The following NLGN4Y variants were observed in gnomAD, a reference collection of about 807,000 sequenced individuals.
NLGN4Y encodes the protein neuroligin 4 Y-linked.
In NLGN4Y, 4 loss-of-function variants were observed where a neutral mutation model predicts 8.4. The ratio of observed to expected loss-of-function variants is 0.48; its 90% CI spans 0.23 to 1.09. The LOEUF is 1.09. Among genes scored for constraint, NLGN4Y ranks in the 50% least tolerant of loss-of-function variants. The probability of loss-of-function intolerance (pLI) is 0.19; values close to 1 mark genes in which losing one functional copy is unlikely to be tolerated. For missense variants in NLGN4Y, 90 were observed against 192.3 expected, an observed-to-expected ratio of 0.47 and a Z score of 3.15; for synonymous variants, 35 against 75.6, an observed-to-expected ratio of 0.46 and a Z score of 2.78.
intron 2 of NLGN4Y, among the ~76,000 whole-genome samples, chrY:14,682,726 G>C (rs2080775103): frequency 3.0e-5 from 1 of 33,280 alleles, no homozygotes; most frequent in Non-Finnish European, 7.4e-5. Flanking sequence ...TTTTAGGCTG[G>C]GCATGGTGGC....
At chrY:14,796,103 G>A in intron 4 of NLGN4Y, among the ~76,000 whole-genome samples, 2 of 33,065 alleles carry the variant, frequency 6.0e-5, no homozygotes, top group African/African-American at 1.2e-4. Flanking sequence ...TTGATCATTT[G>A]AGTCTTAGAG....
At chrY:14,737,669 A>T in intron 4 of NLGN4Y, among the ~76,000 whole-genome samples, 1 of 33,103 alleles carries the variant, frequency 3.0e-5, no homozygotes, top group Non-Finnish European at 7.5e-5. Flanking sequence ...ATCATTACAC[A>T]TTGTTTACAG....
intron 2 of NLGN4Y, among the ~76,000 whole-genome samples, chrY:14,628,039 A>C: frequency 3.1e-5 from 1 of 32,561 alleles, no homozygotes; most frequent in African/African-American, 1.2e-4. Flanking sequence ...AGGCAGAGGG[A>C]GGTTGCAGTG....
intron 4 of NLGN4Y, among the ~76,000 whole-genome samples, chrY:14,763,230 G>T: frequency 2.9e-5 from 1 of 33,904 alleles, no homozygotes; most frequent in Non-Finnish European, 7.3e-5. Flanking sequence ...AACAGAAGAT[G>T]CTCAGAGTTT....
intron 4 of NLGN4Y, among the ~76,000 whole-genome samples, chrY:14,814,022 C>G: frequency 3.1e-5 from 1 of 32,704 alleles, no homozygotes; most frequent in East Asian, 8.1e-4. Context: ...GTTGTACCCC[C>G]AAACCTAAAA....
chrY:14,719,470 A>G lies in NLGN4Y; in HGVS notation c.484A>G (p.Lys162Glu). ...YVPMEDGTNI[K>E]RNADDITSND... ...CAATATCACCCCAGGAACCAACATA[A>G]AGAGAAATGCAGACGATATAACCAG... is the stretch of plus-strand genomic sequence containing the variant. The change falls in exon 3 of 7, where the codon AAG (lysine) becomes GAG (glutamate). Residue 162 changes from lysine to glutamate, a missense_variant. Coordinates refer to ENST00000684976, the MANE Select transcript of NLGN4Y (RefSeq NM_001365588.1). 2.8e-6 allele frequency: 1 copy of G among 350,899 alleles called. No individual in the cohort carries two copies. The highest frequency in any genetic ancestry group is 3.9e-6 in the Non-Finnish European group (1 of 253,309). The allele number at this position is 350,899 out of a possible 400,897, so 87.5% of individuals were successfully genotyped here.
intron 2 of NLGN4Y, among the ~76,000 whole-genome samples, chrY:14,663,487 T>C: frequency 3.0e-5 from 1 of 33,576 alleles, no homozygotes; most frequent in African/African-American, 1.2e-4. Flanking sequence ...TTCTAAATAT[T>C]GCATGGCATA....
chrY:14,594,591 G>A, intron 1 of NLGN4Y, among the ~76,000 whole-genome samples: 1 of 32,758 alleles, frequency 3.1e-5, no homozygotes. Context: ...TTTGTTCAGG[G>A]CCCAGGGCTT....
intron 2 of NLGN4Y, among the ~76,000 whole-genome samples, chrY:14,667,471 C>T: frequency 3.0e-5 from 1 of 33,107 alleles, no homozygotes; most frequent in Non-Finnish European, 7.5e-5. Context: ...CACACACACA[C>T]ATACATGCAG....
intron 2 of NLGN4Y, among the ~76,000 whole-genome samples, chrY:14,671,472 A>G: frequency 9.6e-5 from 3 of 31,261 alleles, no homozygotes; most frequent in Non-Finnish European, 1.5e-4. Flanking sequence ...TTGAGGGTGC[A>G]GTGAGCTATG....
Position 14,759,007 on chromosome Y carries a change from C to T in NLGN4Y, c.685+35738C>T. On this transcript the variant is annotated intron_variant, in intron 4 of 6. Transcript: ENST00000684976. Reference sequence around the variant, plus strand: ...CTGCTAGATGTAGACTTCTGATTTCCGCTGATATCCACAGAAATGACTAGG... The same window carrying T: ...CTGCTAGATGTAGACTTCTGATTTCTGCTGATATCCACAGAAATGACTAGG... Among the ~76,000 whole-genome samples, 3 of 33,528 alleles carry T rather than the reference C, an allele frequency of 8.9e-5. No homozygotes were observed. The South Asian group carries it at 2.0e-3, about 22-fold the overall frequency. The allele number at this position is 33,528 out of a possible 37,273, so 90.0% of individuals were successfully genotyped here. A position where few individuals can be genotyped will look rare whatever the true frequency, so the allele number is the denominator to read the frequency against.
chrY:14,548,438 A>G, intron 1 of NLGN4Y, among the ~76,000 whole-genome samples: 2 of 33,577 alleles, frequency 6.0e-5, no homozygotes, highest in African/African-American at 1.2e-4. Context: ...ACAGAGCAAG[A>G]CCCTGTGTCA....
At chrY:14,653,362 T>G (rs2080636749) in intron 2 of NLGN4Y, among the ~76,000 whole-genome samples, 1 of 30,712 alleles carries the variant, frequency 3.3e-5, no homozygotes, top group Non-Finnish European at 7.8e-5. Context: ...TGTCAGTTAT[T>G]TCAGTCTTCT....
chrY:14,533,767 GGC>G (rs2080121974), intron 1 of NLGN4Y, among the ~76,000 whole-genome samples: 1 of 32,550 alleles, frequency 3.1e-5, no homozygotes, highest in Admixed American at 2.9e-4. Flanking sequence ...CCCTGCACCA[GGC>G]CCCAGTGTGT....
chrY:14,702,975 T>C (rs2080859371), intron 2 of NLGN4Y, among the ~76,000 whole-genome samples: 1 of 33,822 alleles, frequency 3.0e-5, no homozygotes, highest in African/African-American at 1.2e-4. Flanking sequence ...GAGAAGTGTC[T>C]GTCCATATCC....
intron 2 of NLGN4Y, among the ~76,000 whole-genome samples, chrY:14,646,420 G>A: frequency 3.0e-5 from 1 of 33,772 alleles, no homozygotes; most frequent in African/African-American, 1.2e-4. Context: ...GCTGGACTAG[G>A]GCAAGGATGA....
At chrY:14,640,821 T>C in intron 2 of NLGN4Y, among the ~76,000 whole-genome samples, 1 of 34,228 alleles carries the variant, frequency 2.9e-5, no homozygotes, top group Admixed American at 2.6e-4. Flanking sequence ...TTGTGAGCTC[T>C]GGCTCCTGTT....
chrY:14,554,199 A>ATTT (rs1569355926), intron 1 of NLGN4Y, among the ~76,000 whole-genome samples: 5 of 7,770 alleles, frequency 6.4e-4, no homozygotes, highest in East Asian at 5.0e-3. Context: ...TTTTTCCTCT[A>ATTT]TTTTTTTTTT....
At chrY:14,839,890 T>A (rs2150600848) in intron 6 of NLGN4Y, among the ~76,000 whole-genome samples, 1 of 33,440 alleles carries the variant, frequency 3.0e-5, no homozygotes, top group South Asian at 6.7e-4. Context: ...TGGGTCCAGA[T>A]AACTTCTTTG....
Sources: allele counts gnomAD v4.1 joint callset (sites outside exome capture counted in the v4.1 genomes callset), GRCh38; gene constraint gnomAD v4.1.1; transcripts MANE v1.5; gene names NCBI Gene and HGNC (gene_info 2026-07-23, HGNC 2026-07-21).